Variants in AOPEP observed in about 807,000 individuals in gnomAD.
AOPEP encodes aminopeptidase O (putative).
Under a neutral mutation model 98.1 loss-of-function variants are expected in AOPEP, and 77 were observed. The ratio of observed to expected loss-of-function variants is 0.78; its 90% CI spans 0.65 to 0.95. The LOEUF is 0.95. Ranked by LOEUF, AOPEP falls within the 40% of genes least tolerant of loss-of-function variation. The pLI, the probability that AOPEP is intolerant of heterozygous loss-of-function variation, is 0.00. For synonymous variants in AOPEP, 346 were observed against 365.3 expected (o/e 0.95, Z 0.60); for missense variants, 1,024 against 1,024.7 (o/e 1.00, Z 0.01).
In AOPEP at chr9:95,005,185, G is replaced by A. The variant is rs762598032; in HGVS notation, c.2005G>A (p.Ala669Thr). Reference protein sequence around the residue: ...KPLQRERRAGAECGLARQVRA... With the variant: ...KPLQRERRAGTECGLARQVRA... ...GCTGCAGAGGGAGCGTCGCGCCGGG[G>A]CGGAGTGCGGGCTTGCGCGGCAAGT... Residue 669 changes from alanine to threonine, a missense_variant, in exon 12 of 17, where the codon GCG becomes ACG. By Grantham distance (58) the Ala-to-Thr change is moderately conservative. Transcript: ENST00000375315. 3.6e-5 allele frequency: 41 copies of A among 1,149,638 alleles called. No individual in the cohort carries two copies. The South Asian group carries it at 1.2e-3, about 33-fold the overall frequency. The allele number at this position is 1,149,638 out of a possible 1,614,324, so 71.2% of individuals were successfully genotyped here.
the AOPEP span, among the ~76,000 whole-genome samples, chr9:95,094,176 C>G: frequency 6.6e-6 from 1 of 152,220 alleles, no homozygotes; most frequent in African/African-American, 2.4e-5. Context: ...CCTGCACACG[C>G]ACAGGCGCCG....
chr9:94,801,128 C>T, intron 5 of AOPEP, 126 bp downstream of exon 5: 5 of 1,110,892 alleles, frequency 4.5e-6, no homozygotes, highest in South Asian at 1.4e-5. Context: ...GTTGCTCATG[C>T]TTGGACATCT....
chr9:94,791,743 A>G (rs59011771), intron 3 of AOPEP, among the ~76,000 whole-genome samples: 9,939 of 152,126 alleles, frequency 0.065, 1,082 homozygotes, highest in African/African-American at 0.23. Flanking sequence ...AAAATAATCT[A>G]TACACTAAAC....
intron 13 of AOPEP, among the ~76,000 whole-genome samples, chr9:95,052,498 A>G (rs1165498443): frequency 2.4e-4 from 36 of 152,190 alleles, no homozygotes; most frequent in Admixed American, 2.2e-3. Flanking sequence ...ATATTATCAC[A>G]CTGAATGTTA....
chr9:95,116,735 A>G, the AOPEP span, among the ~76,000 whole-genome samples: 1 of 152,328 alleles, frequency 6.6e-6, no homozygotes, highest in East Asian at 1.9e-4. Context: ...GATCAACACC[A>G]GTCGAATGAA....
chr9:95,097,226 T>C, the AOPEP span, among the ~76,000 whole-genome samples: 10 of 152,224 alleles, frequency 6.6e-5, no homozygotes, highest in African/African-American at 4.8e-5. Flanking sequence ...GACGCAACCT[T>C]CTAAAATGCT....
intron 5 of AOPEP, among the ~76,000 whole-genome samples, chr9:94,917,522 A>G (rs1254801840): frequency 1.3e-5 from 2 of 152,140 alleles, no homozygotes; most frequent in Non-Finnish European, 2.9e-5. Flanking sequence ...GCTAGGATCC[A>G]GGTATCTGTC....
At chr9:95,045,671 C>T (rs1438379873) in intron 13 of AOPEP, among the ~76,000 whole-genome samples, 1 of 152,170 alleles carries the variant, frequency 6.6e-6, no homozygotes, top group Non-Finnish European at 1.5e-5. Context: ...TCCTAAGGGC[C>T]AGGTGTTTTC....
At chr9:95,099,193 G>C in the AOPEP span, 4 of 217,000 alleles carry the variant, frequency 1.8e-5, no homozygotes, top group Admixed American at 2.3e-4. Context: ...CGCCTCTTCT[G>C]TATTTTTGGC....
intron 5 of AOPEP, among the ~76,000 whole-genome samples, chr9:94,825,692 T>C (rs1207784784): frequency 3.3e-5 from 5 of 152,216 alleles, no homozygotes; most frequent in Non-Finnish European, 7.3e-5. Flanking sequence ...ATAGGGTTCT[T>C]TGTGATGCTA....
intron 1 of AOPEP, among the ~76,000 whole-genome samples, chr9:94,732,377 G>A (rs1830757416): frequency 6.6e-6 from 1 of 152,082 alleles, no homozygotes; most frequent in Non-Finnish European, 1.5e-5. Context: ...ACAAGCTGAT[G>A]TAGGTTTTGT....
At chr9:94,929,184 G>A (rs1229315092) in intron 7 of AOPEP, among the ~76,000 whole-genome samples, 1 of 152,216 alleles carries the variant, frequency 6.6e-6, no homozygotes, top group Non-Finnish European at 1.5e-5. Flanking sequence ...GCAACAGGAG[G>A]TTCCATCACC....
chr9:95,014,334 C>T (rs996365019), intron 13 of AOPEP, among the ~76,000 whole-genome samples: 9 of 151,878 alleles, frequency 5.9e-5, no homozygotes, highest in South Asian at 2.1e-4. Context: ...ATTAGCTGGA[C>T]GTGGTGGTAC....
chr9:94,896,785 T>C (rs1035319895), intron 5 of AOPEP, among the ~76,000 whole-genome samples: 2 of 152,260 alleles, frequency 1.3e-5, no homozygotes, highest in Admixed American at 1.3e-4. Flanking sequence ...GAAGACTAAA[T>C]GTTATGTGGT....
chr9:94,975,839 A>G (rs539295735), intron 10 of AOPEP, among the ~76,000 whole-genome samples: 5 of 152,336 alleles, frequency 3.3e-5, no homozygotes, highest in African/African-American at 7.2e-5. Flanking sequence ...GGGACTGCAG[A>G]GTCCCCGCAG....
chr9:94,762,215 A>C (rs1037881657), intron 2 of AOPEP, among the ~76,000 whole-genome samples: 9 of 152,222 alleles, frequency 5.9e-5, no homozygotes, highest in African/African-American at 2.2e-4. Flanking sequence ...TGGGAGGCTG[A>C]GGCGGGTGGA....
At chr9:95,148,040 T>TG in the AOPEP span, among the ~76,000 whole-genome samples, 1 of 152,198 alleles carries the variant, frequency 6.6e-6, no homozygotes. Context: ...AAAGCAACAG[T>TG]GGGTAACACA....
intron 5 of AOPEP, among the ~76,000 whole-genome samples, chr9:94,849,253 T>C (rs2043232051): frequency 6.6e-6 from 1 of 152,204 alleles, no homozygotes; most frequent in Non-Finnish European, 1.5e-5. Flanking sequence ...ATATTTTCAT[T>C]GAAGTTTAGT....
intron 11 of AOPEP, among the ~76,000 whole-genome samples, chr9:94,985,847 A>C (rs2132241663): frequency 6.6e-6 from 1 of 152,340 alleles, no homozygotes; most frequent in South Asian, 2.1e-4. Context: ...TTGAGGCAGC[A>C]CCCAAAATGC....
Sources: allele counts gnomAD v4.1 joint callset (sites outside exome capture counted in the v4.1 genomes callset), GRCh38; gene constraint gnomAD v4.1.1; transcripts MANE v1.5; gene names NCBI Gene and HGNC (gene_info 2026-07-23, HGNC 2026-07-21).